The following LRP1B variants were observed in gnomAD, a reference collection of about 807,000 sequenced individuals.
LRP1B encodes LDL receptor related protein 1B, also known as low-density lipoprotein receptor-related protein 1B.
Under a neutral mutation model 556.6 loss-of-function variants are expected in LRP1B, and 217 were observed. That is an observed-to-expected ratio of 0.39 (90% CI 0.35 to 0.44). LRP1B has a LOEUF of 0.44. Ranked by LOEUF, LRP1B falls within the 20% of genes least tolerant of loss-of-function variation. The pLI, the probability that LRP1B is intolerant of heterozygous loss-of-function variation, is 1.00. For synonymous variants in LRP1B, 2,047 were observed against 1,865.8 expected (o/e 1.10, Z -2.50); for missense variants, 5,053 against 5,620.8 (o/e 0.90, Z 3.23).
chr2:140,935,713 A>G (rs1398631691), intron 20 of LRP1B, among the ~76,000 whole-genome samples: 1 of 152,124 alleles, frequency 6.6e-6, no homozygotes, highest in East Asian at 1.9e-4. Flanking sequence ...AACACACATT[A>G]TAAGCAAACT....
rs775291398 is a variant in LRP1B at position 140,813,823 on chromosome 2, C to T, written c.5210-17G>A. On this transcript the variant is annotated splice_polypyrimidine_tract_variant and intron_variant, in intron 31 of 90. Coordinates refer to ENST00000389484, the MANE Select transcript of LRP1B (RefSeq NM_018557.3). ...TCGATAGACCTGTAATTAAATTTTA[C>T]AACTTAAACATAATGATAGCCACTT... 4 of 1,570,186 alleles carry T rather than the reference C, an allele frequency of 2.5e-6. No homozygotes were observed. The highest frequency in any genetic ancestry group is 3.5e-6 in the Non-Finnish European group (4 of 1,147,612).
At chr2:141,498,354 T>A (rs1259932361) in intron 2 of LRP1B, among the ~76,000 whole-genome samples, 3 of 70,878 alleles carry the variant, frequency 4.2e-5, no homozygotes, top group Non-Finnish European at 1.0e-4. Flanking sequence ...ATCTTTAAAA[T>A]CCTTTTTTTT....
At chr2:140,891,148 T>A (rs1208281057) in intron 23 of LRP1B, among the ~76,000 whole-genome samples, 1 of 152,144 alleles carries the variant, frequency 6.6e-6, no homozygotes, top group Admixed American at 6.5e-5. Context: ...GAGGTCACAA[T>A]TTATACTTTT....
chr2:142,059,942 A>C (rs1704841712), intron 1 of LRP1B, among the ~76,000 whole-genome samples: 1 of 152,098 alleles, frequency 6.6e-6, no homozygotes, highest in Non-Finnish European at 1.5e-5. Context: ...GAATGCCTTA[A>C]CCACATTTAT....
At chr2:141,432,190 C>T (rs1283202840) in intron 3 of LRP1B, among the ~76,000 whole-genome samples, 1 of 152,006 alleles carries the variant, frequency 6.6e-6, no homozygotes, top group Non-Finnish European at 1.5e-5. Context: ...TTTTCAAATG[C>T]TTTTTCTGTA....
At chr2:140,682,703 C>T (rs908746137) in intron 41 of LRP1B, among the ~76,000 whole-genome samples, 3 of 55,584 alleles carry the variant, frequency 5.4e-5, no homozygotes, top group South Asian at 5.4e-4. Context: ...TGTGTGCGTG[C>T]ACCTTGTAGG....
chr2:140,360,746 T>C (rs1682465497), intron 72 of LRP1B, among the ~76,000 whole-genome samples: 1 of 151,538 alleles, frequency 6.6e-6, no homozygotes, highest in African/African-American at 2.4e-5. Context: ...ACTCTAATCT[T>C]ACGTAAGCCA....
chr2:140,931,321 A>G (rs1695041719), intron 20 of LRP1B, among the ~76,000 whole-genome samples: 1 of 152,032 alleles, frequency 6.6e-6, no homozygotes. Flanking sequence ...AACCTCACAC[A>G]CACGTCCAGA....
intron 7 of LRP1B, among the ~76,000 whole-genome samples, chr2:141,137,935 T>C (rs998462554): frequency 6.6e-6 from 1 of 151,942 alleles, no homozygotes; most frequent in South Asian, 2.1e-4. Flanking sequence ...TTCCAACTTA[T>C]TCTCCGAGGT....
At chr2:141,541,816 C>T (rs1685271179) in intron 2 of LRP1B, among the ~76,000 whole-genome samples, 1 of 151,922 alleles carries the variant, frequency 6.6e-6, no homozygotes, top group Non-Finnish European at 1.5e-5. Flanking sequence ...ATTCTATTCT[C>T]CATTATTATT....
chr2:140,971,844 T>C lies in LRP1B; in HGVS notation c.2887+10316A>G, dbSNP rs374513123. Among the ~76,000 whole-genome samples, 7 of 152,148 alleles carry C rather than the reference T, an allele frequency of 4.6e-5. No homozygotes were observed. The East Asian group carries it at 7.8e-4, about 17-fold the overall frequency. On this transcript the variant is annotated intron_variant, in intron 18 of 90. Transcript: ENST00000389484. ...GAGAGACTCCGTCTCAAAAAAAAAT[T>C]AGAATCACATGAGATTATTTTTCCG...
intron 41 of LRP1B, among the ~76,000 whole-genome samples, chr2:140,668,699 T>C (rs1251676912): frequency 1.3e-5 from 2 of 152,170 alleles, no homozygotes; most frequent in Admixed American, 1.3e-4. Flanking sequence ...TTCTGATATG[T>C]CTCTATATTT....
At chr2:142,056,934 A>G (rs1704696706) in intron 1 of LRP1B, among the ~76,000 whole-genome samples, 1 of 151,864 alleles carries the variant, frequency 6.6e-6, no homozygotes, top group Admixed American at 6.6e-5. Flanking sequence ...TTACCTTTTC[A>G]CCTAAATTAC....
Position 141,016,255 on chromosome 2 carries a change from AC to A in LRP1B, c.1971-341del, listed in dbSNP as rs1178520664. ...AAAGGAAATGATTTTCTGGGTCATT[AC>A]TATTTTAAATGTTGTCCACTTCAAA... On this transcript the variant is annotated intron_variant, in intron 12 of 90. Coordinates refer to ENST00000389484, the MANE Select transcript of LRP1B (RefSeq NM_018557.3). Among the ~76,000 whole-genome samples the A allele has an allele frequency of 9.9e-5, 15 of 152,100 alleles. 1 individual carries two copies. The highest frequency in any genetic ancestry group is 2.7e-4 in the African/African-American group (11 of 41,438).
At chr2:141,690,365 C>T (rs1381943354) in intron 2 of LRP1B, among the ~76,000 whole-genome samples, 1 of 121,898 alleles carries the variant, frequency 8.2e-6, no homozygotes, top group Non-Finnish European at 1.7e-5. Flanking sequence ...AGGAAAAATA[C>T]ACCAAATCCA....
At chr2:140,249,210 A>C (rs997807121) in intron 86 of LRP1B, among the ~76,000 whole-genome samples, 1 of 151,718 alleles carries the variant, frequency 6.6e-6, no homozygotes, top group Non-Finnish European at 1.5e-5. Flanking sequence ...CTACTTAATC[A>C]TATTATGGTT....
chr2:142,061,068 T>C (rs1172444160), intron 1 of LRP1B, among the ~76,000 whole-genome samples: 1 of 151,908 alleles, frequency 6.6e-6, no homozygotes, highest in South Asian at 2.1e-4. Flanking sequence ...ATGAAACAGA[T>C]ATGGAAAGAA....
intron 21 of LRP1B, among the ~76,000 whole-genome samples, chr2:140,915,198 A>G (rs747800624): frequency 1.1e-4 from 16 of 152,112 alleles, no homozygotes; most frequent in Non-Finnish European, 2.1e-4. Flanking sequence ...AAGAAGGAAG[A>G]CAGGGAAAAG....
intron 18 of LRP1B, among the ~76,000 whole-genome samples, chr2:140,964,620 C>A (rs1432675073): frequency 6.7e-6 from 1 of 149,714 alleles, no homozygotes; most frequent in Non-Finnish European, 1.5e-5. Context: ...CAGCTCCTAT[C>A]TCTGTATGGC....
Sources: allele counts gnomAD v4.1 joint callset (sites outside exome capture counted in the v4.1 genomes callset), GRCh38; gene constraint gnomAD v4.1.1; transcripts MANE v1.5; gene names NCBI Gene and HGNC (gene_info 2026-07-23, HGNC 2026-07-21).